SHB: variants seen among roughly 807,000 people sequenced by gnomAD.
SHB encodes SH2 domain-containing adapter protein B.
A neutral mutation model predicts 52.3 loss-of-function variants in SHB; 20 were observed. The observed-to-expected ratio is 0.38, with a 90% confidence interval of 0.27 to 0.56. SHB has a LOEUF of 0.56. SHB is among the 20% of genes least tolerant of loss of function. The pLI, the probability that SHB is intolerant of heterozygous loss-of-function variation, is 0.71. For missense variants in SHB, 825 were observed against 723.3 expected (o/e 1.14, Z -1.61); for synonymous variants, 397 against 316.5 (o/e 1.25, Z -2.70).
At chr9:38,006,149 C>A (rs758915343) in intron 2 of SHB, among the ~76,000 whole-genome samples, 5 of 152,176 alleles carry the variant, frequency 3.3e-5, no homozygotes, top group Non-Finnish European at 4.4e-5. Flanking sequence ...CCCACCCTCT[C>A]CTCTCCCTTC....
intron 2 of SHB, among the ~76,000 whole-genome samples, chr9:38,012,677 G>A (rs999455147): frequency 6.6e-6 from 1 of 151,644 alleles, no homozygotes; most frequent in Non-Finnish European, 1.5e-5. Context: ...GGTGGCAAGT[G>A]ACCATCCCAT....
intron 2 of SHB, among the ~76,000 whole-genome samples, chr9:38,013,614 G>A (rs145433002): frequency 8.7e-4 from 133 of 152,282 alleles, no homozygotes; most frequent in African/African-American, 2.8e-3. Context: ...AAAAAAAGCC[G>A]AAGTTCCTCA....
chr9:38,022,940 G>T (rs1821299172), intron 1 of SHB, among the ~76,000 whole-genome samples: 1 of 152,220 alleles, frequency 6.6e-6, no homozygotes, highest in African/African-American at 2.4e-5. Flanking sequence ...GGGAAGGTCA[G>T]CTGGCTGGAT....
chr9:38,059,083 C>A lies in SHB; in HGVS notation c.717+8846G>T, dbSNP rs1378317246. Among the ~76,000 whole-genome samples, 3 of 152,210 alleles carry A rather than the reference C, an allele frequency of 2.0e-5. No individual in the cohort carries two copies. In the East Asian group the frequency reaches 5.8e-4, roughly 29 times the overall value. On this transcript the variant is annotated intron_variant, in intron 1 of 5. Coordinates refer to ENST00000377707, the MANE Select transcript of SHB (RefSeq NM_003028.3). ...ATTCCCAGCACCTAAACAGAACAAT[C>A]CCCAACACACAGCAGGCTCTCAACA...
At chr9:37,928,662 TG>T (rs760145067) in intron 5 of SHB, among the ~76,000 whole-genome samples, 18 of 152,152 alleles carry the variant, frequency 1.2e-4, no homozygotes, top group Non-Finnish European at 2.1e-4. Flanking sequence ...ATCCACAACA[TG>T]GGAATAACCA....
At chr9:38,001,117 G>A (rs973917027) in intron 2 of SHB, among the ~76,000 whole-genome samples, 1 of 152,094 alleles carries the variant, frequency 6.6e-6, no homozygotes, top group African/African-American at 2.4e-5. Flanking sequence ...CGGTTTCAGA[G>A]ACCAAGTCAA....
intron 1 of SHB, among the ~76,000 whole-genome samples, chr9:38,028,151 C>G (rs1821367893): frequency 6.6e-6 from 1 of 152,102 alleles, no homozygotes; most frequent in Non-Finnish European, 1.5e-5. Context: ...TCATTTTCTC[C>G]TGGTCTAGGG....
At chr9:37,955,077 G>A (rs945162541) in intron 4 of SHB, among the ~76,000 whole-genome samples, 1 of 152,136 alleles carries the variant, frequency 6.6e-6, no homozygotes, top group African/African-American at 2.4e-5. Context: ...AACTCTAACA[G>A]TATCAAGCAG....
chr9:37,921,357 A>C (rs900445464), intron 5 of SHB, among the ~76,000 whole-genome samples: 7 of 152,216 alleles, frequency 4.6e-5, no homozygotes, highest in Admixed American at 2.6e-4. Context: ...GCTTGAACAC[A>C]TCTCTTCCAG....
intron 3 of SHB, among the ~76,000 whole-genome samples, chr9:37,973,198 C>A (rs1820611451): frequency 6.6e-6 from 1 of 152,166 alleles, no homozygotes; most frequent in South Asian, 2.1e-4. Flanking sequence ...TCTCCATTTT[C>A]CATGATTATA....
intron 5 of SHB, among the ~76,000 whole-genome samples, chr9:37,941,923 C>A (rs1832439196): frequency 6.6e-6 from 1 of 152,112 alleles, no homozygotes; most frequent in African/African-American, 2.4e-5. Context: ...GGGAGAGCAG[C>A]CTTTCCTCAT....
chr9:38,036,747 A>T (rs1400360162), intron 1 of SHB, among the ~76,000 whole-genome samples: 1 of 152,258 alleles, frequency 6.6e-6, no homozygotes, highest in African/African-American at 2.4e-5. Flanking sequence ...GAGAAGCTGA[A>T]TAATAATACA....
rs35453970 is a variant in SHB at position 37,918,487 on chromosome 9, CTGTGTGTGTGTG to C, written c.*1322_*1333del. Among the ~76,000 whole-genome samples, 1 of 45,516 alleles carries C rather than the reference CTGTGTGTGTGTG, an allele frequency of 2.2e-5. No individual in the cohort carries two copies. The highest frequency in any genetic ancestry group is 4.0e-5 in the Non-Finnish European group (1 of 24,742). The allele number at this position is 45,516 out of a possible 152,430, so 29.9% of individuals were successfully genotyped here. On this transcript the variant is annotated 3_prime_UTR_variant, in exon 6 of 6. Transcript: ENST00000377707. ...TGGAAGCAGTGTGGACCACTGAGGG[CTGTGTGTGTGTG>C]TGTGTGTGTGTGTGTAGGTGTTCTT...
rs1171918376 is a variant in SHB at position 38,047,360 on chromosome 9, T to TAGAAA, written c.717+20568_717+20569insTTTCT. 4.9e-3 allele frequency among the ~76,000 whole-genome samples: 749 copies of TAGAAA among 152,352 alleles called. 9 individuals are homozygous for TAGAAA. Among genetic ancestry groups the TAGAAA allele is most frequent in the African/African-American group, 0.017 (702 of 41,582 alleles). On this transcript the variant is annotated intron_variant, in intron 1 of 5. Coordinates refer to ENST00000377707, the MANE Select transcript of SHB (RefSeq NM_003028.3). ...AATCACTTCAGGCACAAGGCTGAGC[T>TAGAAA]ATTTTCTAGTTGCAGCGGTCCAATC...
chr9:37,944,787 G>A (rs1351423973), intron 5 of SHB, among the ~76,000 whole-genome samples: 3 of 152,072 alleles, frequency 2.0e-5, no homozygotes, highest in South Asian at 2.1e-4. Context: ...CCTGCTAGCC[G>A]TCCCTGTCTG....
intron 1 of SHB, among the ~76,000 whole-genome samples, chr9:38,016,965 G>T (rs1821221937): frequency 6.6e-6 from 1 of 152,198 alleles, no homozygotes; most frequent in African/African-American, 2.4e-5. Context: ...GGGGTGGGGG[G>T]CACTCCCATG....
intron 5 of SHB, among the ~76,000 whole-genome samples, chr9:37,938,812 G>A (rs995461851): frequency 6.6e-6 from 1 of 152,240 alleles, no homozygotes; most frequent in Admixed American, 6.5e-5. Context: ...CTGCCGGGTT[G>A]GGGGGTGGTG....
intron 1 of SHB, among the ~76,000 whole-genome samples, chr9:38,027,946 A>T (rs55978314): frequency 0.16 from 23,699 of 151,872 alleles, 1,883 homozygotes; most frequent in East Asian, 0.31. Context: ...TGGTGCGTTT[A>T]CCCAGCTGAA....
chr9:38,022,172 A>T (rs1821289529), intron 1 of SHB, among the ~76,000 whole-genome samples: 1 of 152,170 alleles, frequency 6.6e-6, no homozygotes, highest in Non-Finnish European at 1.5e-5. Context: ...TCATTGATGA[A>T]GTTGTGCCTC....
Sources: gnomAD v4.1 joint callset for allele counts (sites outside exome capture counted in the v4.1 genomes callset) on GRCh38, gnomAD v4.1.1 for gene constraint, MANE v1.5 for transcripts, NCBI Gene and HGNC (gene_info 2026-07-23, HGNC 2026-07-21) for gene names.